Variants in ALDOC observed in about 807,000 individuals in gnomAD.
ALDOC encodes aldolase, fructose-bisphosphate C.
In ALDOC, 23 loss-of-function variants were observed where a neutral mutation model predicts 39.5. That is an observed-to-expected ratio of 0.58 (90% CI 0.42 to 0.82). ALDOC has a LOEUF of 0.82. Among genes scored for constraint, ALDOC ranks in the 40% least tolerant of loss-of-function variants. ALDOC has a pLI of 0.00. For synonymous variants in ALDOC, 160 were observed against 182.6 expected (o/e 0.88, Z 1.00); for missense variants, 356 against 479.1 (o/e 0.74, Z 2.40).
Position 28,573,598 on chromosome 17 carries a change from G to T in ALDOC, c.1023C>A (p.Gly341=). The change falls in exon 9 of 9, where the codon GGC becomes GGA. Residue 341 remains glycine, a synonymous_variant. Transcript: ENST00000226253. The surrounding 1 kb of genome is among the most constrained non-coding windows in gnomAD (Gnocchi z 4.3). ...CATCTTCTCCACTGCCTTCATACTT[G>T]CCCTGGGCTGCAAGCCCATTCACCT... ...RAEVNGLAAQ[G]KYEGSGEDGG... is the part of the protein sequence containing the mutation. The T allele has an allele frequency of 2.5e-6, 4 of 1,614,220 alleles. No homozygotes were observed. Among genetic ancestry groups the T allele is most frequent in the Non-Finnish European group, 3.4e-6 (4 of 1,180,026 alleles).
Position 28,574,907 on chromosome 17 carries a change from A to G in ALDOC, c.379+45T>C, listed in dbSNP as rs183993754. On this transcript the variant is annotated intron_variant, in intron 4 of 8. Transcript: ENST00000226253. ...ACTCTGCCCCTCTTTTACCAGCATCAACTATCTAACACCTCTTTGGTCCTC... is the reference window on the plus strand; with the variant it reads ...ACTCTGCCCCTCTTTTACCAGCATCGACTATCTAACACCTCTTTGGTCCTC... 3.7e-3 allele frequency: 5,991 copies of G among 1,614,148 alleles called. 15 individuals carry two copies. The highest frequency in any genetic ancestry group is 4.3e-3 in the Non-Finnish European group (5,110 of 1,180,022).
At position 28,574,776 on chromosome 17, in the gene ALDOC, T is replaced by C; in HGVS notation, c.460A>G (p.Ile154Val). Residue 154 changes from isoleucine to valine, a missense_variant, in exon 5 of 9, where the codon ATC (isoleucine) becomes GTC (valine). Ile to Val is a conservative substitution (Grantham distance 29, BLOSUM62 3). Transcript: ENST00000226253. The part of the protein sequence containing the change: ...DFAKWRCVLK[I>V]SERTPSALAI... ...AGTGCAGAGGGTGTACGCTCACTGATTTTCAGCACACAGCGCCACTTGGCA... is the reference window on the plus strand; with the variant it reads ...AGTGCAGAGGGTGTACGCTCACTGACTTTCAGCACACAGCGCCACTTGGCA... 6.2e-7 allele frequency: 1 copy of C among 1,614,210 alleles called. No individual in the cohort carries two copies. Among genetic ancestry groups the C allele is most frequent in the Non-Finnish European group, 8.5e-7 (1 of 1,180,030 alleles).
rs770077311 is a variant in ALDOC, at chr17:28,573,710, CCCA to C, written c.999+22_999+24del. On this transcript the variant is annotated intron_variant, in intron 8 of 8. Transcript: ENST00000226253. The surrounding 1 kb of genome is among the most constrained non-coding windows in gnomAD (Gnocchi z 4.3). ...CTATAGCCTCTGGGTGCTGCCCCCA[CCCA>C]CCACCACCTGTAGCTCCCAACCTCA... is the stretch of plus-strand genomic sequence containing the variant. 6.2e-7 allele frequency: 1 copy of C among 1,613,996 alleles called. No individual in the cohort carries two copies. Among genetic ancestry groups the C allele is most frequent in the Non-Finnish European group, 8.5e-7 (1 of 1,179,984 alleles).
intron 6 of ALDOC, 109 bp from the exon 7 acceptor site, chr17:28,574,350 G>A (rs1014388281): frequency 3.5e-6 from 5 of 1,438,072 alleles, no homozygotes; most frequent in Non-Finnish European, 3.9e-6. Flanking sequence ...GCTCAGTACA[G>A]GCTCAGATCA....
In ALDOC at chr17:28,574,248, G is replaced by A. The variant is rs757201490; in HGVS notation, c.625-7C>T. 10 of 1,576,082 alleles carry A rather than the reference G, an allele frequency of 6.3e-6. No individual in the cohort carries two copies. The African/African-American group carries it at 1.1e-4, about 17-fold the overall frequency. ...TGTACACAGCAGCCAAGACCTGGGTGGGGATTAGAGGAGGTTTACTAAGGG... is the reference window on the plus strand; with the variant it reads ...TGTACACAGCAGCCAAGACCTGGGTAGGGATTAGAGGAGGTTTACTAAGGG... On this transcript the variant is annotated splice_polypyrimidine_tract_variant and splice_region_variant and intron_variant, in intron 6 of 8. Transcript: ENST00000226253.
chr17:28,575,582 C>G lies in ALDOC; in HGVS notation c.-12-38G>C, dbSNP rs753371600. The G allele has an allele frequency of 6.3e-7, 1 of 1,591,932 alleles. No individual in the cohort carries two copies. The highest frequency in any genetic ancestry group is 1.1e-5 in the South Asian group (1 of 89,076). ...CAAGATAAAAAAGCCAGACCTCACCCTCTGCTGCCTCTCCTGGCCAGATGG... is the reference window on the plus strand; with the variant it reads ...CAAGATAAAAAAGCCAGACCTCACCGTCTGCTGCCTCTCCTGGCCAGATGG... On this transcript the variant is annotated intron_variant, in intron 1 of 8. Transcript: ENST00000226253. This position sits in a 1 kb window ranked among gnomAD's most constrained non-coding sequence, Gnocchi z 4.3.
chr17:28,574,341 C>A, intron 6 of ALDOC, 100 bp from the exon 7 acceptor site: 1 of 1,442,622 alleles, frequency 6.9e-7, no homozygotes. Flanking sequence ...ACTGTGAGGG[C>A]TCAGTACAGG....
intron 1 of ALDOC, chr17:28,576,401 G>C (rs1048909790): frequency 3.3e-5 from 5 of 152,992 alleles, no homozygotes; most frequent in African/African-American, 1.2e-4. Flanking sequence ...ATGAGACTGA[G>C]GGGAGCTAGT....
chr17:28,575,937 A>G lies in ALDOC; in HGVS notation c.-12-393T>C. On this transcript the variant is annotated intron_variant, in intron 1 of 8. Coordinates refer to ENST00000226253, the MANE Select transcript of ALDOC (RefSeq NM_005165.3). This position sits in a 1 kb window ranked among gnomAD's most constrained non-coding sequence, Gnocchi z 4.3. ...TCCAGCTTCCCTTTTCTCATCCTCCACAGGACCCCTAGGGAAAGTGTACTT... is the reference window on the plus strand; with the variant it reads ...TCCAGCTTCCCTTTTCTCATCCTCCGCAGGACCCCTAGGGAAAGTGTACTT... 9.6e-7 allele frequency: 1 copy of G among 1,044,894 alleles called. No individual in the cohort carries two copies. The highest frequency in any genetic ancestry group is 8.4e-5 in the East Asian group (1 of 11,932). 64.7% of individuals were successfully genotyped at this position (1,044,894 alleles called of 1,614,324 possible).
intron 6 of ALDOC, 45 bp from the exon 7 acceptor site, chr17:28,574,286 C>T (rs369770154): frequency 1.3e-6 from 2 of 1,553,240 alleles, no homozygotes; most frequent in Non-Finnish European, 1.7e-6. Flanking sequence ...TGGGCCCCCA[C>T]TGGTTACTGC....
At position 28,573,916 on chromosome 17, in the gene ALDOC, C is replaced by T. The variant is rs758954980; in HGVS notation, c.818G>A (p.Gly273Glu). The change falls in exon 8 of 9, where the codon GGG (glycine) becomes GAG (glutamate). Residue 273 changes from glycine to glutamate, a missense_variant. Gly to Glu is a moderately conservative substitution (Grantham distance 98). Transcript: ENST00000226253. This position sits in a 1 kb window ranked among gnomAD's most constrained non-coding sequence, Gnocchi z 4.3. ...PAVPGVTFLS[G>E]GQSEEEASFN... Reference sequence around the variant, plus strand: ...TGATGCCTCTTCTTCGCTCTGACCCCCAGACAGGAAGGTCACTCCTAGTGT... The same window carrying T: ...TGATGCCTCTTCTTCGCTCTGACCCTCAGACAGGAAGGTCACTCCTAGTGT... 1 of 1,614,142 alleles carries T rather than the reference C, an allele frequency of 6.2e-7. No homozygotes were observed. Among genetic ancestry groups the T allele is most frequent in the Non-Finnish European group, 8.5e-7 (1 of 1,180,032 alleles).
At chr17:28,574,381 G>A in intron 6 of ALDOC, 113 bp downstream of exon 6, 1 of 1,455,844 alleles carries the variant, frequency 6.9e-7, no homozygotes. Flanking sequence ...CCGGGATGAA[G>A]TGAAAAAGTG....
Position 28,574,056 on chromosome 17 carries a change from C to A in ALDOC, c.799+11G>T. On this transcript the variant is annotated intron_variant, in intron 7 of 8. Transcript: ENST00000226253. Reference sequence around the variant, plus strand: ...TTAGGGATAGGAGCAGGTTAGGGAGCTGGGTAGTACCTGGGACAGCTGGGG... The same window carrying A: ...TTAGGGATAGGAGCAGGTTAGGGAGATGGGTAGTACCTGGGACAGCTGGGG... 1 of 1,593,706 alleles carries A rather than the reference C, an allele frequency of 6.3e-7. No homozygotes were observed. Among genetic ancestry groups the A allele is most frequent in the South Asian group, 1.1e-5 (1 of 87,388 alleles).
rs1256026175 is a variant in ALDOC, at chr17:28,575,307, A to G, written c.140T>C (p.Ile47Thr). 10 of 1,614,048 alleles carry G rather than the reference A, an allele frequency of 6.2e-6. No homozygotes were observed. The highest frequency in any genetic ancestry group is 1.3e-5 in the African/African-American group (1 of 74,924). ...GTTCTCCTCTGTGTTTTCCACCCCA[A>G]TTTGGCTCAGCCGCTTGGCCATGCT... is the stretch of plus-strand genomic sequence containing the variant. ...VGSMAKRLSQ[I>T]GVENTEENRR... Residue 47 changes from isoleucine to threonine, a missense_variant, in exon 3 of 9, where the codon ATT (isoleucine) becomes ACT (threonine). Ile to Thr is a moderately conservative substitution (Grantham distance 89, BLOSUM62 -1). Coordinates refer to ENST00000226253, the MANE Select transcript of ALDOC (RefSeq NM_005165.3). The surrounding 1 kb of genome is among the most constrained non-coding windows in gnomAD (Gnocchi z 4.3).
rs372027129 is a variant in ALDOC, at chr17:28,574,249, G to A, written c.625-8C>T. On this transcript the variant is annotated splice_polypyrimidine_tract_variant and splice_region_variant and intron_variant, in intron 6 of 8. Transcript: ENST00000226253. ...GTACACAGCAGCCAAGACCTGGGTG[G>A]GGATTAGAGGAGGTTTACTAAGGGT... 2.5e-6 allele frequency: 4 copies of A among 1,576,176 alleles called. No homozygotes were observed. The African/African-American group carries it at 5.4e-5, about 21-fold the overall frequency.
At position 28,575,315 on chromosome 17, in the gene ALDOC, C is replaced by T. The variant is rs772072784; in HGVS notation, c.132G>A (p.Leu44=). The change falls in exon 3 of 9, where the codon CTG becomes CTA. Residue 44 remains leucine, a synonymous_variant. Coordinates refer to ENST00000226253, the MANE Select transcript of ALDOC (RefSeq NM_005165.3). This position sits in a 1 kb window ranked among gnomAD's most constrained non-coding sequence, Gnocchi z 4.3. ...DESVGSMAKR[L]SQIGVENTEE... ...CTGTGTTTTCCACCCCAATTTGGCT[C>T]AGCCGCTTGGCCATGCTGCCTAGGG... 6.8e-6 allele frequency: 11 copies of T among 1,614,112 alleles called. No individual in the cohort carries two copies. Among genetic ancestry groups the T allele is most frequent in the South Asian group, 2.2e-5 (2 of 91,088 alleles).
Position 28,576,855 on chromosome 17 carries a change from G to A in ALDOC, c.-67C>T. Reference sequence around the variant, plus strand: ...ACAAGCACAGCTCGGGTTCTGATCCGCAAACAGATGAGGCTGCAGCCCTGG... The same window carrying A: ...ACAAGCACAGCTCGGGTTCTGATCCACAAACAGATGAGGCTGCAGCCCTGG... On this transcript the variant is annotated 5_prime_UTR_variant, in exon 1 of 9. Transcript: ENST00000226253. 1 of 985,474 alleles carries A rather than the reference G, an allele frequency of 1.0e-6. No homozygotes were observed. The highest frequency in any genetic ancestry group is 1.2e-6 in the Non-Finnish European group (1 of 829,968). 61.0% of individuals were successfully genotyped at this position (985,474 alleles called of 1,614,324 possible). A position where few individuals can be genotyped will look rare whatever the true frequency, so the allele number is the denominator to read the frequency against.
chr17:28,573,587 C>T lies in ALDOC; in HGVS notation c.1034G>A (p.Gly345Asp). The T allele has an allele frequency of 6.2e-7, 1 of 1,614,236 alleles. No homozygotes were observed. The highest frequency in any genetic ancestry group is 1.1e-5 in the South Asian group (1 of 91,092). The change falls in exon 9 of 9, where the codon GGC becomes GAC. Residue 345 changes from glycine to aspartate, a missense_variant. Coordinates refer to ENST00000226253, the MANE Select transcript of ALDOC (RefSeq NM_005165.3). The surrounding 1 kb of genome is among the most constrained non-coding windows in gnomAD (Gnocchi z 4.3). Reference sequence around the variant, plus strand: ...TGCTGCTCCACCATCTTCTCCACTGCCTTCATACTTGCCCTGGGCTGCAAG... The same window carrying T: ...TGCTGCTCCACCATCTTCTCCACTGTCTTCATACTTGCCCTGGGCTGCAAG... ...NGLAAQGKYE[G>D]SGEDGGAAAQ... is the part of the protein sequence containing the mutation.
At chr17:28,576,378 G>A (rs2070490742) in intron 1 of ALDOC, 2 of 152,558 alleles carry the variant, frequency 1.3e-5, no homozygotes, top group Non-Finnish European at 1.5e-5. Flanking sequence ...GGAGTAGAGA[G>A]CCTGAGAGAG....
Sources: gnomAD v4.1 joint callset for allele counts on GRCh38, gnomAD v4.1.1 for gene constraint, Gnocchi (gnomAD v3.1) non-coding constraint, MANE v1.5 for transcripts, NCBI Gene and HGNC (gene_info 2026-07-23, HGNC 2026-07-21) for gene names.